Variants in ANKFN1 observed in about 807,000 individuals in gnomAD.
ANKFN1 encodes the protein ankyrin repeat and fibronectin type-III domain-containing protein 1.
Under a neutral mutation model 108.7 loss-of-function variants are expected in ANKFN1, and 74 were observed. That is an observed-to-expected ratio of 0.68 (90% CI 0.56 to 0.83). ANKFN1 has a LOEUF of 0.83. Ranked by LOEUF, ANKFN1 falls within the 40% of genes least tolerant of loss-of-function variation. The pLI is 0.00. For missense variants in ANKFN1, 1,505 were observed against 1,382.3 expected, an observed-to-expected ratio of 1.09 and a Z score of -1.41; for synonymous variants, 547 against 516.2, an observed-to-expected ratio of 1.06 and a Z score of -0.81.
chr17:56,420,898 CG>C (rs1251243576), intron 8 of ANKFN1, among the ~76,000 whole-genome samples: 1 of 151,748 alleles, frequency 6.6e-6, no homozygotes, highest in Non-Finnish European at 1.5e-5. Context: ...TTAGTAGAGA[CG>C]GGGTTTCACC....
intron 3 of ANKFN1, among the ~76,000 whole-genome samples, chr17:56,233,865 A>G (rs1916918135): frequency 6.6e-6 from 1 of 152,150 alleles, no homozygotes; most frequent in Admixed American, 6.6e-5. Flanking sequence ...TATGTTAATG[A>G]GTAAGACAAA....
chr17:56,495,193 A>T (rs1276173262), intron 19 of ANKFN1, among the ~76,000 whole-genome samples: 1 of 152,136 alleles, frequency 6.6e-6, no homozygotes, highest in Non-Finnish European at 1.5e-5. Context: ...GGTCTGGGTA[A>T]AACAAGACCA....
At chr17:56,288,038 T>G (rs780410969) in intron 3 of ANKFN1, among the ~76,000 whole-genome samples, 12 of 151,624 alleles carry the variant, frequency 7.9e-5, no homozygotes, top group Non-Finnish European at 1.6e-4. Context: ...GGACCCAGAG[T>G]CATTGAAAGG....
chr17:56,071,987 C>G (rs1905126007), intron 4 of ANKFN1, among the ~76,000 whole-genome samples: 1 of 152,218 alleles, frequency 6.6e-6, no homozygotes, highest in African/African-American at 2.4e-5. Flanking sequence ...TTTGTGAATT[C>G]TGCTGTTGTT....
At chr17:56,049,311 C>A (rs950482379) in intron 4 of ANKFN1, among the ~76,000 whole-genome samples, 2 of 152,216 alleles carry the variant, frequency 1.3e-5, no homozygotes, top group Non-Finnish European at 1.5e-5. Flanking sequence ...CATGCATTTG[C>A]CCACCCTGAC....
chr17:56,374,547 T>G, intron 7 of ANKFN1, 54 bp from the exon 8 acceptor site: 1 of 1,321,816 alleles, frequency 7.6e-7, no homozygotes, highest in Non-Finnish European at 1.1e-6. Flanking sequence ...GGAGGAACGT[T>G]GTTTGAAAAG....
chr17:56,228,027 A>C, intron 3 of ANKFN1, 70 bp downstream of exon 3: 1 of 1,333,032 alleles, frequency 7.5e-7, no homozygotes, highest in East Asian at 2.3e-5. Context: ...CTAATCTTTA[A>C]GGCTCCCATC....
intron 4 of ANKFN1, among the ~76,000 whole-genome samples, 197 bp downstream of exon 4, chr17:56,326,552 G>A (rs79607716): frequency 0.014 from 2,118 of 152,298 alleles, 21 homozygotes; most frequent in Non-Finnish European, 0.022. Flanking sequence ...GTACATACAC[G>A]TCCCTGTGGA....
chr17:56,233,172 T>A (rs1031967081), intron 3 of ANKFN1, among the ~76,000 whole-genome samples: 7 of 152,110 alleles, frequency 4.6e-5, no homozygotes, highest in African/African-American at 1.4e-4. Flanking sequence ...TTGCTTTTGT[T>A]ATTATTTTCA....
chr17:56,170,805 T>TACACACACACACACACACACACACACAC (rs1383558821), intron 1 of ANKFN1, among the ~76,000 whole-genome samples: 1 of 72,126 alleles, frequency 1.4e-5, no homozygotes, highest in South Asian at 6.5e-4. Context: ...TATATATATA[T>TACACACACACACACACACACACACACAC]ATACACACAC....
chr17:56,109,977 C>A (rs1011815577), intron 4 of ANKFN1, among the ~76,000 whole-genome samples: 18 of 152,320 alleles, frequency 1.2e-4, no homozygotes, highest in African/African-American at 4.1e-4. Context: ...GGACATAGAA[C>A]TTGCACCTCA....
chr17:56,435,275 G>A (rs181086911), intron 8 of ANKFN1, among the ~76,000 whole-genome samples: 2 of 152,322 alleles, frequency 1.3e-5, no homozygotes, highest in African/African-American at 4.8e-5. Context: ...TCTGCTAGGT[G>A]CTATGATAGG....
chr17:56,376,306 A>G (rs1474070174), intron 8 of ANKFN1, among the ~76,000 whole-genome samples: 5 of 152,206 alleles, frequency 3.3e-5, no homozygotes, highest in Admixed American at 3.3e-4. Flanking sequence ...TAGATAAGAC[A>G]GCATTGAATT....
chr17:56,265,800 A>G (rs905020592), intron 3 of ANKFN1, among the ~76,000 whole-genome samples: 5 of 152,212 alleles, frequency 3.3e-5, no homozygotes, highest in African/African-American at 9.6e-5. Flanking sequence ...CAAATGCTAT[A>G]TAAGTTGTTG....
intron 4 of ANKFN1, among the ~76,000 whole-genome samples, chr17:56,111,472 C>A (rs1468830770): frequency 6.6e-6 from 1 of 150,478 alleles, no homozygotes; most frequent in Non-Finnish European, 1.5e-5. Context: ...GCATGCCATA[C>A]CTAAATGTAA....
At chr17:56,282,308 G>T (rs2044105001) in intron 3 of ANKFN1, among the ~76,000 whole-genome samples, 1 of 151,994 alleles carries the variant, frequency 6.6e-6, no homozygotes, top group Non-Finnish European at 1.5e-5. Flanking sequence ...GTGTGTGTGT[G>T]TGTGTGTTGG....
chr17:56,404,389 T>C (rs9915583), intron 8 of ANKFN1, among the ~76,000 whole-genome samples: 3,222 of 152,250 alleles, frequency 0.021, 117 homozygotes, highest in African/African-American at 0.072. Context: ...TTAGATTAGG[T>C]TAATTTGAAG....
At chr17:56,375,225 G>A (rs1279948969) in intron 8 of ANKFN1, among the ~76,000 whole-genome samples, 1 of 152,150 alleles carries the variant, frequency 6.6e-6, no homozygotes, top group African/African-American at 2.4e-5. Flanking sequence ...GGGTGGAGGT[G>A]GCATTCAGGC....
At chr17:56,334,146 A>G (rs1472129771) in intron 4 of ANKFN1, among the ~76,000 whole-genome samples, 1 of 152,180 alleles carries the variant, frequency 6.6e-6, no homozygotes, top group East Asian at 1.9e-4. Context: ...CTGAAGGACT[A>G]CTGACACGAA....
Sources: allele counts gnomAD v4.1 joint callset (sites outside exome capture counted in the v4.1 genomes callset), GRCh38; gene constraint gnomAD v4.1.1; transcripts MANE v1.5; gene names NCBI Gene and HGNC (gene_info 2026-07-23, HGNC 2026-07-21).